PDE1C: variants seen among roughly 807,000 people sequenced by gnomAD.
The protein encoded by PDE1C is dual specificity calcium/calmodulin-dependent 3',5'-cyclic nucleotide phosphodiesterase 1C.
A neutral mutation model predicts 93.1 loss-of-function variants in PDE1C; 62 were observed. That is an observed-to-expected ratio of 0.67 (90% CI 0.54 to 0.82). PDE1C has a LOEUF of 0.82. PDE1C is among the 40% of genes least tolerant of loss of function. The probability of loss-of-function intolerance (pLI) is 0.00; values close to 1 mark genes in which losing one functional copy is unlikely to be tolerated. For synonymous variants in PDE1C, 325 were observed against 310.1 expected (o/e 1.05, Z -0.50); for missense variants, 742 against 884.6 (o/e 0.84, Z 2.04).
intron 1 of PDE1C, among the ~76,000 whole-genome samples, chr7:32,289,759 G>A (rs1166830848): frequency 6.6e-6 from 1 of 152,096 alleles, no homozygotes; most frequent in Non-Finnish European, 1.5e-5. Flanking sequence ...TATAATGCTG[G>A]TGGTTACTAG....
chr7:32,159,356 A>AT (rs1367311054), intron 3 of PDE1C, among the ~76,000 whole-genome samples: 8 of 152,226 alleles, frequency 5.3e-5, no homozygotes, highest in African/African-American at 1.7e-4. Flanking sequence ...ACAGGGTTAA[A>AT]TTATCATAAG....
intron 16 of PDE1C, among the ~76,000 whole-genome samples, chr7:31,806,473 G>A (rs1403314377): frequency 6.6e-6 from 1 of 151,932 alleles, no homozygotes; most frequent in East Asian, 1.9e-4. Flanking sequence ...CTCCCTAGGG[G>A]TAAGTAAGGT....
intron 2 of PDE1C, among the ~76,000 whole-genome samples, chr7:32,039,569 C>T (rs568231008): frequency 2.0e-5 from 3 of 152,168 alleles, no homozygotes; most frequent in South Asian, 2.1e-4. Flanking sequence ...CAGAGCTCCG[C>T]GATTCAGAAC....
chr7:32,326,386 A>G (rs894644594), intron 1 of PDE1C, among the ~76,000 whole-genome samples: 1 of 152,238 alleles, frequency 6.6e-6, no homozygotes, highest in Non-Finnish European at 1.5e-5. Flanking sequence ...TGGAAAGAGA[A>G]TAAGAGACCA....
chr7:32,364,246 A>G (rs1054291380), intron 1 of PDE1C, among the ~76,000 whole-genome samples: 1 of 152,174 alleles, frequency 6.6e-6, no homozygotes, highest in East Asian at 1.9e-4. Context: ...ATTTAAATTC[A>G]TTTTTTTAAG....
At position 31,751,474 on chromosome 7, in the gene PDE1C, T is replaced by C. The variant is rs1258052381; in HGVS notation, c.*1910A>G. On this transcript the variant is annotated 3_prime_UTR_variant, in exon 18 of 18. Transcript: ENST00000396191. ...GGTATTGACAGATAGGTAGGGAACATTATTTGAGGAGGCTACTACTCCCAT... is the reference window on the plus strand; with the variant it reads ...GGTATTGACAGATAGGTAGGGAACACTATTTGAGGAGGCTACTACTCCCAT... 6.6e-6 allele frequency: 1 copy of C among 152,078 alleles called. No individual in the cohort carries two copies. Among genetic ancestry groups the C allele is most frequent in the East Asian group, 1.9e-4 (1 of 5,182 alleles). 9.4% of individuals were successfully genotyped at this position (152,078 alleles called of 1,614,324 possible). A position where few individuals can be genotyped will look rare whatever the true frequency, so the allele number is the denominator to read the frequency against.
At chr7:32,197,829 A>T (rs1289638610) in intron 2 of PDE1C, among the ~76,000 whole-genome samples, 2 of 152,186 alleles carry the variant, frequency 1.3e-5, no homozygotes, top group African/African-American at 4.8e-5. Flanking sequence ...ACTGTTGGGC[A>T]CAGGACTTCT....
At chr7:32,317,125 A>C (rs554414202) in intron 1 of PDE1C, among the ~76,000 whole-genome samples, 2 of 150,740 alleles carry the variant, frequency 1.3e-5, no homozygotes, top group East Asian at 3.9e-4. Flanking sequence ...CCAGGAATGC[A>C]AGACCACATG....
intron 2 of PDE1C, among the ~76,000 whole-genome samples, chr7:31,889,120 C>T (rs981570482): frequency 3.9e-5 from 6 of 152,160 alleles, no homozygotes; most frequent in African/African-American, 9.7e-5. Flanking sequence ...AACAAATTCA[C>T]CACAAGTCAT....
chr7:32,130,230 A>C (rs574466860), intron 3 of PDE1C, among the ~76,000 whole-genome samples: 1 of 152,044 alleles, frequency 6.6e-6, no homozygotes, highest in Non-Finnish European at 1.5e-5. Flanking sequence ...CTCACTGCAG[A>C]AGCTATCTAT....
At chr7:32,032,878 T>G (rs1448783756) in intron 2 of PDE1C, among the ~76,000 whole-genome samples, 1 of 152,112 alleles carries the variant, frequency 6.6e-6, no homozygotes, top group Non-Finnish European at 1.5e-5. Context: ...TTTTGAGAAG[T>G]GCTGTTTGTA....
At chr7:32,365,514 G>A (rs1025750841) in intron 1 of PDE1C, among the ~76,000 whole-genome samples, 1 of 152,134 alleles carries the variant, frequency 6.6e-6, no homozygotes, top group Non-Finnish European at 1.5e-5. Flanking sequence ...CAGCCGAGAA[G>A]ATATGCAACC....
intron 1 of PDE1C, among the ~76,000 whole-genome samples, chr7:32,369,203 C>A (rs1784281862): frequency 6.6e-6 from 1 of 152,132 alleles, no homozygotes; most frequent in Admixed American, 6.5e-5. Context: ...AGAGGGAAAA[C>A]AACCTACAGA....
At chr7:32,127,014 C>T (rs375269644) in intron 3 of PDE1C, among the ~76,000 whole-genome samples, 1 of 152,092 alleles carries the variant, frequency 6.6e-6, no homozygotes, top group African/African-American at 2.4e-5. Flanking sequence ...AAGCAGGTTG[C>T]CCTCCCCAGT....
intron 3 of PDE1C, among the ~76,000 whole-genome samples, chr7:32,104,241 G>T (rs994049978): frequency 6.6e-6 from 1 of 152,112 alleles, no homozygotes; most frequent in Non-Finnish European, 1.5e-5. Flanking sequence ...ATGAAAGTTC[G>T]GACCAGAACT....
chr7:31,786,567 A>T (rs1015172058), intron 16 of PDE1C: 5 of 152,258 alleles, frequency 3.3e-5, no homozygotes, highest in Non-Finnish European at 7.4e-5. Context: ...ACGATTTTGA[A>T]TGTGTTTCCT....
chr7:31,737,723 C>T, the PDE1C span, among the ~76,000 whole-genome samples: 2 of 146,312 alleles, frequency 1.4e-5, no homozygotes, highest in African/African-American at 5.1e-5. Flanking sequence ...AATTGCTTGA[C>T]TTAGGAGGCG....
At chr7:32,420,115 A>AT (rs1785367540) in intron 1 of PDE1C, among the ~76,000 whole-genome samples, 1 of 28,130 alleles carries the variant, frequency 3.6e-5, no homozygotes, top group Non-Finnish European at 7.3e-5. Flanking sequence ...ATATATATAT[A>AT]TATATATATA....
chr7:31,632,434 G>A, the PDE1C span, among the ~76,000 whole-genome samples: 2 of 152,078 alleles, frequency 1.3e-5, no homozygotes, highest in African/African-American at 4.8e-5. Context: ...GTGACAGAGC[G>A]AGACTCCTTC....
Sources: gnomAD v4.1 joint callset for allele counts (sites outside exome capture counted in the v4.1 genomes callset) on GRCh38, gnomAD v4.1.1 for gene constraint, MANE v1.5 for transcripts, NCBI Gene and HGNC (gene_info 2026-07-23, HGNC 2026-07-21) for gene names.